Variants in FSTL4 observed in about 807,000 individuals in gnomAD.
FSTL4 encodes follistatin-related protein 4.
FSTL4 carries 28 observed loss-of-function variants against 78.2 expected under a neutral mutation model. The observed-to-expected ratio is 0.36, with a 90% CI of 0.27 to 0.49. FSTL4 has a LOEUF of 0.49. Ranked by LOEUF, FSTL4 falls within the 20% of genes least tolerant of loss-of-function variation. FSTL4 has a pLI of 0.98. For missense variants in FSTL4, 922 were observed against 1,084.9 expected, an observed-to-expected ratio of 0.85 and a Z score of 2.11; for synonymous variants, 422 against 440.5, an observed-to-expected ratio of 0.96 and a Z score of 0.53.
At chr5:133,660,655 T>C in the FSTL4 span, among the ~76,000 whole-genome samples, 1 of 152,236 alleles carries the variant, frequency 6.6e-6, no homozygotes, top group Admixed American at 6.5e-5. Context: ...CCCCAGCCTG[T>C]GCCACTGGGT....
rs932011951 is a variant in FSTL4, at chr5:133,446,178, G to A, written c.161-45192C>T. Reference sequence around the variant, plus strand: ...TCTCGGGCCAGGCTCGGTGGCTCACGCCTGTAATCCTAGCACTTTGGGAGG... The same window carrying A: ...TCTCGGGCCAGGCTCGGTGGCTCACACCTGTAATCCTAGCACTTTGGGAGG... On this transcript the variant is annotated intron_variant, in intron 3 of 15. Coordinates refer to ENST00000265342, the MANE Select transcript of FSTL4 (RefSeq NM_015082.2). 2.0e-5 allele frequency among the ~76,000 whole-genome samples: 3 copies of A among 152,186 alleles called. 1 individual carries two copies. The highest frequency in any genetic ancestry group is 1.3e-4 in the Admixed American group (2 of 15,288).
intron 14 of FSTL4, among the ~76,000 whole-genome samples, chr5:133,207,088 T>TAGG (rs1750540302): frequency 6.6e-6 from 1 of 152,232 alleles, no homozygotes; most frequent in Non-Finnish European, 1.5e-5. Context: ...TTTAGTGATA[T>TAGG]ACTTTTTTAT....
intron 6 of FSTL4, among the ~76,000 whole-genome samples, chr5:133,251,150 A>G (rs940357664): frequency 1.3e-5 from 2 of 152,172 alleles, no homozygotes; most frequent in African/African-American, 4.8e-5. Context: ...AGGGCAGGAG[A>G]GAGAAGGCAC....
At chr5:133,480,236 C>A in intron 3 of FSTL4, among the ~76,000 whole-genome samples, 1 of 152,220 alleles carries the variant, frequency 6.6e-6, no homozygotes, top group Non-Finnish European at 1.5e-5. Flanking sequence ...TGCCCTTGGG[C>A]AAATTACTTC....
the FSTL4 span, among the ~76,000 whole-genome samples, chr5:133,787,563 C>T: frequency 6.6e-6 from 1 of 151,948 alleles, no homozygotes; most frequent in African/African-American, 2.4e-5. Flanking sequence ...GCCACCCTCC[C>T]CGCCCCCACC....
chr5:133,687,872 C>T, the FSTL4 span, among the ~76,000 whole-genome samples: 2 of 152,234 alleles, frequency 1.3e-5, no homozygotes, highest in Non-Finnish European at 2.9e-5. Flanking sequence ...AGCCCAGACT[C>T]CTTCAATCTG....
the FSTL4 span, among the ~76,000 whole-genome samples, chr5:133,621,518 G>A: frequency 5.9e-5 from 9 of 152,180 alleles, no homozygotes; most frequent in African/African-American, 1.9e-4. Context: ...ACCAAACATC[G>A]TATGTTCTCA....
chr5:133,403,805 C>T (rs1266723284), intron 3 of FSTL4, among the ~76,000 whole-genome samples: 1 of 152,180 alleles, frequency 6.6e-6, no homozygotes, highest in Non-Finnish European at 1.5e-5. Flanking sequence ...GGCAGGCAAA[C>T]CAAAGCCAGT....
chr5:133,725,744 GGT>G, the FSTL4 span, among the ~76,000 whole-genome samples: 1 of 152,112 alleles, frequency 6.6e-6, no homozygotes. Flanking sequence ...AAGAGGGTGG[GGT>G]GTGTGTGGGA....
At chr5:133,639,774 CTTT>C in the FSTL4 span, among the ~76,000 whole-genome samples, 1 of 152,150 alleles carries the variant, frequency 6.6e-6, no homozygotes, top group African/African-American at 2.4e-5. Context: ...GACAAGCAAG[CTTT>C]TATCCGCATC....
chr5:133,828,153 G>C, the FSTL4 span, among the ~76,000 whole-genome samples: 1 of 152,182 alleles, frequency 6.6e-6, no homozygotes. Context: ...CCTAGGGGAG[G>C]ACAAGGGCCA....
chr5:133,637,338 C>A, the FSTL4 span, among the ~76,000 whole-genome samples: 1 of 152,122 alleles, frequency 6.6e-6, no homozygotes, highest in Admixed American at 6.6e-5. Flanking sequence ...GCTATTAATA[C>A]ATCCAATGGC....
chr5:133,369,985 T>G (rs1755258171), intron 4 of FSTL4, among the ~76,000 whole-genome samples: 1 of 150,690 alleles, frequency 6.6e-6, no homozygotes, highest in Admixed American at 6.6e-5. Context: ...TTGGGGTTGG[T>G]CCTATCTAGC....
intron 2 of FSTL4, among the ~76,000 whole-genome samples, chr5:133,577,419 T>C (rs1760307357): frequency 6.6e-6 from 1 of 150,536 alleles, no homozygotes; most frequent in Admixed American, 6.6e-5. Context: ...TAGAGAGAGG[T>C]GTGTGTAGCC....
At chr5:133,634,757 T>C in the FSTL4 span, among the ~76,000 whole-genome samples, 1 of 152,202 alleles carries the variant, frequency 6.6e-6, no homozygotes, top group East Asian at 1.9e-4. Flanking sequence ...ATGTCAGACA[T>C]GTTACTAATT....
chr5:133,665,476 A>C, the FSTL4 span, among the ~76,000 whole-genome samples: 1 of 152,162 alleles, frequency 6.6e-6, no homozygotes, highest in Non-Finnish European at 1.5e-5. Flanking sequence ...AGTAACACAG[A>C]AGTAAGGGAG....
intron 4 of FSTL4, among the ~76,000 whole-genome samples, chr5:133,376,273 G>T (rs1755433710): frequency 6.6e-6 from 1 of 152,226 alleles, no homozygotes; most frequent in South Asian, 2.1e-4. Flanking sequence ...TGCAGAAACA[G>T]ACATTTGCTA....
chr5:133,601,858 A>G (rs886463458), intron 2 of FSTL4, among the ~76,000 whole-genome samples: 3 of 151,500 alleles, frequency 2.0e-5, no homozygotes, highest in African/African-American at 7.3e-5. Context: ...TCACTTTTGT[A>G]TTTTTAGTGG....
At chr5:133,769,119 A>G in the FSTL4 span, among the ~76,000 whole-genome samples, 7 of 152,370 alleles carry the variant, frequency 4.6e-5, no homozygotes, top group African/African-American at 1.4e-4. Context: ...AACCACATGT[A>G]CCTAAATCTT....
Sources: allele counts gnomAD v4.1 joint callset (sites outside exome capture counted in the v4.1 genomes callset), GRCh38; gene constraint gnomAD v4.1.1; transcripts MANE v1.5; gene names NCBI Gene and HGNC (gene_info 2026-07-23, HGNC 2026-07-21).